SENP7: variants seen among roughly 807,000 people sequenced by gnomAD.
The protein encoded by SENP7 is sentrin-specific protease 7.
SENP7 carries 64 observed loss-of-function variants against 141.2 expected under a neutral mutation model. The observed-to-expected ratio is 0.45, with a 90% CI of 0.37 to 0.56. SENP7 has a LOEUF of 0.56. Among genes scored for constraint, SENP7 ranks in the 20% least tolerant of loss-of-function variants. The pLI is 0.00. For missense variants in SENP7, 1,025 were observed against 1,212.2 expected, an observed-to-expected ratio of 0.85 and a Z score of 2.29; for synonymous variants, 382 against 426.4, an observed-to-expected ratio of 0.90 and a Z score of 1.28.
At chr3:101,472,128 T>C (rs936491456) in intron 3 of SENP7, among the ~76,000 whole-genome samples, 4 of 152,216 alleles carry the variant, frequency 2.6e-5, no homozygotes, top group Non-Finnish European at 4.4e-5. Context: ...GAATTACCAT[T>C]TGACTGAGCA....
At chr3:101,375,473 C>T (rs1048676390) in intron 6 of SENP7, among the ~76,000 whole-genome samples, 3 of 128,578 alleles carry the variant, frequency 2.3e-5, no homozygotes, top group Non-Finnish European at 3.1e-5. Flanking sequence ...ACCCGGGAGG[C>T]GGAGATTGCG....
At position 101,428,672 on chromosome 3, in the gene SENP7, C is replaced by G. The variant is rs138619233; in HGVS notation, c.285-10882G>C. Among the ~76,000 whole-genome samples, 933 of 152,286 alleles carry G rather than the reference C, an allele frequency of 6.1e-3. 6 individuals carry two copies. The highest frequency in any genetic ancestry group is 0.022 in the African/African-American group (899 of 41,542). ...TGCCTGTTCACTCAGCTGATAGTTT[C>G]TTTTGCTGTGCAGAAGCTCTTTAAT... is the stretch of plus-strand genomic sequence containing the variant. On this transcript the variant is annotated intron_variant, in intron 4 of 23. Transcript: ENST00000394095.
At chr3:101,364,725 G>A in intron 10 of SENP7, 109 bp downstream of exon 10, 1 of 792,010 alleles carries the variant, frequency 1.3e-6, no homozygotes, top group Non-Finnish European at 1.9e-6. Context: ...TTCAAACTAA[G>A]AAAATTTGTA....
intron 4 of SENP7, among the ~76,000 whole-genome samples, chr3:101,450,265 G>T (rs1324120296): frequency 6.6e-6 from 1 of 152,106 alleles, no homozygotes; most frequent in South Asian, 2.1e-4. Flanking sequence ...ATAATAATGG[G>T]AGACTTTAAC....
chr3:101,485,677 T>C (rs2064698729), intron 3 of SENP7, among the ~76,000 whole-genome samples: 2 of 152,072 alleles, frequency 1.3e-5, no homozygotes, highest in Non-Finnish European at 2.9e-5. Context: ...GAAACAACTC[T>C]GATAATATGA....
intron 3 of SENP7, among the ~76,000 whole-genome samples, chr3:101,480,593 G>A (rs959904280): frequency 6.6e-6 from 1 of 152,008 alleles, no homozygotes; most frequent in East Asian, 1.9e-4. Flanking sequence ...TCAGGACATC[G>A]GTCTAGGCAA....
intron 6 of SENP7, among the ~76,000 whole-genome samples, chr3:101,393,069 A>C (rs1275480775): frequency 6.6e-6 from 1 of 152,194 alleles, no homozygotes; most frequent in Non-Finnish European, 1.5e-5. Context: ...ACTTTCAACA[A>C]AGGCACCAAG....
intron 14 of SENP7, among the ~76,000 whole-genome samples, chr3:101,342,305 G>A (rs902819292): frequency 6.6e-6 from 1 of 152,260 alleles, no homozygotes; most frequent in Non-Finnish European, 1.5e-5. Context: ...GTGCACAGGT[G>A]TATATATGAG....
chr3:101,464,943 A>G (rs2063710474), intron 3 of SENP7, among the ~76,000 whole-genome samples: 1 of 152,226 alleles, frequency 6.6e-6, no homozygotes, highest in Non-Finnish European at 1.5e-5. Flanking sequence ...ATTTAATGTT[A>G]TGCTTTATTT....
At chr3:101,472,971 A>G (rs1051555181) in intron 3 of SENP7, among the ~76,000 whole-genome samples, 10 of 152,154 alleles carry the variant, frequency 6.6e-5, no homozygotes, top group Non-Finnish European at 1.2e-4. Flanking sequence ...ATGTATTCTC[A>G]TAACTTAGCT....
intron 4 of SENP7, among the ~76,000 whole-genome samples, chr3:101,451,439 G>A (rs1472422787): frequency 6.6e-6 from 1 of 152,178 alleles, no homozygotes; most frequent in Non-Finnish European, 1.5e-5. Context: ...CAATAGCCCT[G>A]ATGAACAGCA....
chr3:101,327,917 T>A, intron 22 of SENP7, 101 bp from the exon 23 acceptor site: 1 of 947,680 alleles, frequency 1.1e-6, no homozygotes, highest in Non-Finnish European at 1.5e-6. Context: ...AGATGTGCTG[T>A]CTCAAGCCAA....
chr3:101,462,656 C>T (rs2063585637), intron 3 of SENP7, among the ~76,000 whole-genome samples: 1 of 150,820 alleles, frequency 6.6e-6, no homozygotes, highest in African/African-American at 2.4e-5. Context: ...TCGCTAGAGG[C>T]CAGGAGTTCG....
At chr3:101,439,982 G>A (rs1398582609) in intron 4 of SENP7, among the ~76,000 whole-genome samples, 401 of 70,194 alleles carry the variant, frequency 5.7e-3, no homozygotes, top group Middle Eastern at 0.019. Flanking sequence ...CAGCCGCCCC[G>A]TCTGGGAGGT....
intron 6 of SENP7, among the ~76,000 whole-genome samples, chr3:101,374,727 G>C (rs1341568922): frequency 6.7e-6 from 1 of 148,808 alleles, no homozygotes; most frequent in African/African-American, 2.5e-5. Context: ...AGCTACAATT[G>C]TGCCACTGCA....
intron 7 of SENP7, among the ~76,000 whole-genome samples, chr3:101,369,137 T>C (rs2060115591): frequency 6.6e-6 from 1 of 152,248 alleles, no homozygotes; most frequent in Non-Finnish European, 1.5e-5. Flanking sequence ...ATCAAATATA[T>C]GTACTGTACA....
intron 3 of SENP7, among the ~76,000 whole-genome samples, chr3:101,491,332 AGGCTGGTCTCC>A (rs2108094723): frequency 2.3e-5 from 2 of 87,192 alleles, no homozygotes; most frequent in Middle Eastern, 5.6e-3. Flanking sequence ...TATATTTCCT[AGGCTGGTCTCC>A]AAATCCTGGG....
chr3:101,401,756 G>A (rs988197189), intron 5 of SENP7, among the ~76,000 whole-genome samples: 8 of 152,032 alleles, frequency 5.3e-5, no homozygotes, highest in African/African-American at 1.7e-4. Context: ...AGAAAAGTTG[G>A]TTTACAAGCT....
At chr3:101,469,075 G>A (rs1237109437) in intron 3 of SENP7, among the ~76,000 whole-genome samples, 1 of 152,110 alleles carries the variant, frequency 6.6e-6, no homozygotes, top group African/African-American at 2.4e-5. Context: ...CCTAGTCTCT[G>A]ATAAACAGAC....
Sources: allele counts gnomAD v4.1 joint callset (sites outside exome capture counted in the v4.1 genomes callset), GRCh38; gene constraint gnomAD v4.1.1; transcripts MANE v1.5; gene names NCBI Gene and HGNC (gene_info 2026-07-23, HGNC 2026-07-21).